C8B: variants seen among roughly 807,000 people sequenced by gnomAD.
C8B encodes complement component C8 beta chain.
Under a neutral mutation model 64.6 loss-of-function variants are expected in C8B, and 67 were observed. The observed-to-expected ratio is 1.04, with a 90% CI of 0.85 to 1.27. C8B has a LOEUF of 1.27. C8B is among the 50% of genes most tolerant of loss of function. The pLI, the probability that C8B is intolerant of heterozygous loss-of-function variation, is 0.00. For synonymous variants in C8B, 284 were observed against 257.7 expected (o/e 1.10, Z -0.98); for missense variants, 790 against 725.2 (o/e 1.09, Z -1.03).
chr1:56,944,927 G>A (rs971885301), intron 7 of C8B, among the ~76,000 whole-genome samples: 2 of 152,306 alleles, frequency 1.3e-5, no homozygotes, highest in Admixed American at 6.5e-5. Context: ...ATATTGGGTT[G>A]GAAAGCAGCA....
chr1:56,929,647 G>A (rs1382298614), intron 11 of C8B, 89 bp from the exon 12 acceptor site: 5 of 1,272,964 alleles, frequency 3.9e-6, no homozygotes, highest in East Asian at 2.4e-5. Context: ...AAGCCAAAAG[G>A]CTTTGGGAGT....
intron 8 of C8B, among the ~76,000 whole-genome samples, chr1:56,943,410 G>A (rs537112798): frequency 4.6e-5 from 7 of 152,274 alleles, no homozygotes; most frequent in East Asian, 3.9e-4. Context: ...AGTATGCAGC[G>A]ATAGAAGTGA....
intron 3 of C8B, among the ~76,000 whole-genome samples, chr1:56,956,182 C>T (rs763920598): frequency 3.3e-5 from 5 of 152,182 alleles, no homozygotes; most frequent in Admixed American, 2.6e-4. Flanking sequence ...ATAAATGATG[C>T]TAACTGCCCT....
rs769635203 is a variant in C8B, at chr1:56,949,655, C to G, written c.764G>C (p.Ser255Thr). Reference protein sequence around the residue: ...TEKMASKSGFSFGFKIPGIFE... With the variant: ...TEKMASKSGFTFGFKIPGIFE... ...TATTCCAGGTATTTTAAAACCAAAA[C>G]TGAAACCAGACTTGCTTGCCATTTT... The change falls in exon 6 of 12, where the codon AGT becomes ACT. Residue 255 changes from serine to threonine, a missense_variant. Transcript: ENST00000371237. The G allele has an allele frequency of 6.2e-7, 1 of 1,614,050 alleles. No individual in the cohort carries two copies. The highest frequency in any genetic ancestry group is 1.1e-5 in the South Asian group (1 of 91,068).
At chr1:56,935,150 C>T (rs1302630029) in intron 9 of C8B, among the ~76,000 whole-genome samples, 1 of 152,038 alleles carries the variant, frequency 6.6e-6, no homozygotes, top group African/African-American at 2.4e-5. Flanking sequence ...CCTGTTTTTC[C>T]TCCTAGTTCA....
chr1:56,954,558 C>T (rs1570399356), intron 4 of C8B, 128 bp downstream of exon 4: 1 of 1,291,106 alleles, frequency 7.7e-7, no homozygotes, highest in South Asian at 1.2e-5. Context: ...GTGTTACTTA[C>T]AATACAGTCT....
intron 6 of C8B, among the ~76,000 whole-genome samples, chr1:56,946,401 C>T (rs1034356923): frequency 1.4e-4 from 21 of 152,110 alleles, no homozygotes; most frequent in African/African-American, 3.6e-4. Context: ...CAAAAGTGCC[C>T]GCTTTGCTGA....
intron 7 of C8B, among the ~76,000 whole-genome samples, chr1:56,944,037 C>T (rs532020011): frequency 1.3e-5 from 2 of 152,114 alleles, no homozygotes; most frequent in African/African-American, 4.8e-5. Flanking sequence ...CTTTCAGCCT[C>T]CCCGCAACGC....
intron 1 of C8B, among the ~76,000 whole-genome samples, chr1:56,961,296 G>A (rs932437113): frequency 1.1e-4 from 17 of 152,220 alleles, no homozygotes; most frequent in Admixed American, 5.2e-4. Flanking sequence ...AAAAGGAATG[G>A]AGGTTTGCTG....
Position 56,940,774 on chromosome 1 carries a change from T to C in C8B, c.1398+75A>G, listed in dbSNP as rs1644839999. On this transcript the variant is annotated intron_variant, in intron 9 of 11. Transcript: ENST00000371237. Reference sequence around the variant, plus strand: ...GGGTCTTAGTGATCTCTGCATTTTATACCTTGGCTCATGGTAGGTCCTCAG... The same window carrying C: ...GGGTCTTAGTGATCTCTGCATTTTACACCTTGGCTCATGGTAGGTCCTCAG... 24 of 1,555,132 alleles carry C rather than the reference T, an allele frequency of 1.5e-5. No homozygotes were observed. In the South Asian group the frequency reaches 2.6e-4, roughly 17 times the overall value.
chr1:56,943,389 T>G (rs2101397375), intron 8 of C8B, among the ~76,000 whole-genome samples: 1 of 152,306 alleles, frequency 6.6e-6, no homozygotes, highest in African/African-American at 2.4e-5. Flanking sequence ...AAGTGGTATA[T>G]TCAACAAAAT....
At chr1:56,936,744 C>A (rs1217870739) in intron 9 of C8B, among the ~76,000 whole-genome samples, 3 of 152,030 alleles carry the variant, frequency 2.0e-5, no homozygotes, top group African/African-American at 7.2e-5. Flanking sequence ...CAGGCGCATG[C>A]CACCACACCC....
intron 9 of C8B, among the ~76,000 whole-genome samples, chr1:56,934,467 C>T (rs184708764): frequency 6.6e-6 from 1 of 152,170 alleles, no homozygotes; most frequent in Non-Finnish European, 1.5e-5. Context: ...CACAGACAGT[C>T]CAAATAGATA....
intron 4 of C8B, among the ~76,000 whole-genome samples, chr1:56,953,678 C>T (rs1261355534): frequency 6.6e-6 from 1 of 152,178 alleles, no homozygotes; most frequent in East Asian, 1.9e-4. Context: ...TTATTAACTT[C>T]CTCCTGCAGA....
At chr1:56,941,523 TAGATA>T (rs1644859193) in intron 8 of C8B, among the ~76,000 whole-genome samples, 1 of 130,122 alleles carries the variant, frequency 7.7e-6, no homozygotes, top group African/African-American at 3.4e-5. Context: ...GATAGATAGA[TAGATA>T]GATAGATAGA....
At chr1:56,960,404 GTTAA>G (rs2101465056) in intron 1 of C8B, among the ~76,000 whole-genome samples, 1 of 152,040 alleles carries the variant, frequency 6.6e-6, no homozygotes, top group South Asian at 2.1e-4. Context: ...ATTAATTTAG[GTTAA>G]TTAATCCAAC....
intron 8 of C8B, among the ~76,000 whole-genome samples, chr1:56,942,117 A>G (rs2101392057): frequency 6.6e-6 from 1 of 152,356 alleles, no homozygotes; most frequent in East Asian, 1.9e-4. Context: ...TCTTCACTAC[A>G]AAATAGTAGC....
chr1:56,937,289 C>T (rs139787516), intron 9 of C8B, among the ~76,000 whole-genome samples: 61 of 152,278 alleles, frequency 4.0e-4, no homozygotes, highest in African/African-American at 1.3e-3. Context: ...TGGGAGCACA[C>T]GACAAGACGC....
chr1:56,941,494 GTAGATAGATAGATACATAGATAGA>G (rs59192387), intron 8 of C8B, among the ~76,000 whole-genome samples: 14,016 of 145,914 alleles, frequency 0.096, 731 homozygotes, highest in Non-Finnish European at 0.12. Context: ...GTAGATAATA[GTAGATAGATAGATACATAGATAGA>G]TAGATAGATA....
Sources: gnomAD v4.1 joint callset for allele counts (sites outside exome capture counted in the v4.1 genomes callset) on GRCh38, gnomAD v4.1.1 for gene constraint, MANE v1.5 for transcripts, NCBI Gene and HGNC (gene_info 2026-07-23, HGNC 2026-07-21) for gene names.